The following PACRG variants were observed in gnomAD, a reference collection of about 807,000 sequenced individuals.
PACRG encodes the protein parkin coregulated, also known as parkin coregulated gene protein.
Under a neutral mutation model 29.7 loss-of-function variants are expected in PACRG, and 29 were observed. That is an observed-to-expected ratio of 0.98 (90% CI 0.73 to 1.33). PACRG has a LOEUF of 1.33. Ranked by LOEUF, PACRG falls within the 40% of genes most tolerant of loss-of-function variation. PACRG has a pLI of 0.00. For missense variants in PACRG, 279 were observed against 316.2 expected (o/e 0.88, Z 0.89); for synonymous variants, 116 against 118.7 (o/e 0.98, Z 0.15).
At position 163,053,435 on chromosome 6, in the gene PACRG, A is replaced by T. The variant is rs186918098; in HGVS notation, c.292-8715A>T. Among the ~76,000 whole-genome samples the T allele has an allele frequency of 8.5e-5, 13 of 152,296 alleles. No individual in the cohort carries two copies. The East Asian group carries it at 1.5e-3, about 18-fold the overall frequency. ...ACAGATTTTAATATGTTTGCATTTG[A>T]TGATACTGTAAAAAACAGAACTGTT... On this transcript the variant is annotated intron_variant, in intron 2 of 4. Coordinates refer to ENST00000366888, the MANE Select transcript of PACRG (RefSeq NM_001080379.2).
chr6:163,263,122 C>T (rs1189416246), intron 4 of PACRG, among the ~76,000 whole-genome samples: 2 of 143,042 alleles, frequency 1.4e-5, no homozygotes, highest in Non-Finnish European at 3.0e-5. Context: ...AGATCCAAGG[C>T]CCTGAGTTTT....
chr6:163,031,229 C>T (rs919692845), intron 2 of PACRG, among the ~76,000 whole-genome samples: 11 of 152,148 alleles, frequency 7.2e-5, no homozygotes, highest in Admixed American at 2.0e-4. Flanking sequence ...TATTCTACAA[C>T]AATAAAGCCA....
rs188629355 is a variant in PACRG, at chr6:163,124,711, G to C, written c.613+35303G>C. ...CAAAGGAAGGAAGAGGCTGCAGTTC[G>C]GCACCAGTGGGGAAGCCAAGGGCAT... On this transcript the variant is annotated intron_variant, in intron 4 of 4. Transcript: ENST00000366888. 2.8e-3 allele frequency among the ~76,000 whole-genome samples: 432 copies of C among 152,282 alleles called. 4 individuals are homozygous for C. The highest frequency in any genetic ancestry group is 0.01 in the African/African-American group (418 of 41,572).
At chr6:163,020,794 T>C (rs907520885) in intron 2 of PACRG, among the ~76,000 whole-genome samples, 5 of 152,204 alleles carry the variant, frequency 3.3e-5, no homozygotes, top group Admixed American at 6.5e-5. Flanking sequence ...ATAACTGTTC[T>C]AAAAATGTCT....
chr6:162,767,393 C>T (rs140049768), intron 1 of PACRG, among the ~76,000 whole-genome samples: 5 of 151,814 alleles, frequency 3.3e-5, no homozygotes, highest in Non-Finnish European at 7.4e-5. Flanking sequence ...TATGCATTGA[C>T]CCTTTTTTCT....
intron 4 of PACRG, among the ~76,000 whole-genome samples, chr6:163,130,486 C>G (rs6903059): frequency 0.23 from 35,689 of 152,010 alleles, 4,389 homozygotes; most frequent in East Asian, 0.47. Context: ...ATGTGTGTCA[C>G]CTTTAACTTC....
chr6:162,998,796 A>G (rs1804319730), intron 2 of PACRG, among the ~76,000 whole-genome samples: 1 of 152,224 alleles, frequency 6.6e-6, no homozygotes, highest in African/African-American at 2.4e-5. Flanking sequence ...ATGTTATATG[A>G]TACCAAATGT....
chr6:162,810,052 T>G, intron 1 of PACRG, among the ~76,000 whole-genome samples: 1 of 152,026 alleles, frequency 6.6e-6, no homozygotes, highest in African/African-American at 2.4e-5. Flanking sequence ...GAGGCCACAC[T>G]GTTTATGATG....
rs559624204 is a variant in PACRG, at chr6:162,884,724, G to A, written c.291+70443G>A. ...AAAATAACAGTGTTAACATGTCACC[G>A]TCTCTTCTGTGGAGTGATACATGTA... On this transcript the variant is annotated intron_variant, in intron 2 of 4. Coordinates refer to ENST00000366888, the MANE Select transcript of PACRG (RefSeq NM_001080379.2). Among the ~76,000 whole-genome samples the A allele has an allele frequency of 7.1e-5, 10 of 140,884 alleles. No homozygotes were observed. In the South Asian group the frequency reaches 1.9e-3, roughly 26 times the overall value. The allele number at this position is 140,884 out of a possible 152,430, so 92.4% of individuals were successfully genotyped here. A position where few individuals can be genotyped will look rare whatever the true frequency, so the allele number is the denominator to read the frequency against.
At chr6:163,088,906 T>C (rs1046643906) in intron 3 of PACRG, among the ~76,000 whole-genome samples, 4 of 152,180 alleles carry the variant, frequency 2.6e-5, no homozygotes, top group Non-Finnish European at 5.9e-5. Flanking sequence ...AATGTATCTG[T>C]TGTCAACCCA....
At chr6:163,204,645 G>C (rs1780832256) in intron 4 of PACRG, among the ~76,000 whole-genome samples, 1 of 152,166 alleles carries the variant, frequency 6.6e-6, no homozygotes, top group Admixed American at 6.5e-5. Flanking sequence ...CAGGAGCTAA[G>C]AATGGAGGAA....
intron 4 of PACRG, among the ~76,000 whole-genome samples, chr6:163,130,815 G>C (rs753675814): frequency 2.0e-4 from 30 of 152,188 alleles, no homozygotes; most frequent in Non-Finnish European, 3.1e-4. Context: ...CCCAGGAGCA[G>C]TTAGGGAAAC....
At chr6:162,809,928 C>T (rs907965142) in intron 1 of PACRG, among the ~76,000 whole-genome samples, 6 of 152,194 alleles carry the variant, frequency 3.9e-5, no homozygotes, top group Non-Finnish European at 7.3e-5. Flanking sequence ...GGAGACCTCA[C>T]GAGGAGCTTG....
At chr6:162,799,839 T>C (rs907265140) in intron 1 of PACRG, among the ~76,000 whole-genome samples, 2 of 152,198 alleles carry the variant, frequency 1.3e-5, no homozygotes, top group African/African-American at 2.4e-5. Flanking sequence ...CATTTTTTAC[T>C]CTAATTATTC....
chr6:163,185,956 C>T (rs1779900360), intron 4 of PACRG, among the ~76,000 whole-genome samples: 1 of 152,160 alleles, frequency 6.6e-6, no homozygotes, highest in African/African-American at 2.4e-5. Flanking sequence ...ATCACCCCAG[C>T]ACTCCCAGGC....
At chr6:163,236,817 C>T (rs1056793315) in intron 4 of PACRG, among the ~76,000 whole-genome samples, 2 of 152,164 alleles carry the variant, frequency 1.3e-5, no homozygotes, top group African/African-American at 4.8e-5. Flanking sequence ...GTTCTGCAGG[C>T]TGTACAGGAG....
chr6:163,246,301 T>C (rs1391288144), intron 4 of PACRG, among the ~76,000 whole-genome samples: 1 of 152,160 alleles, frequency 6.6e-6, no homozygotes, highest in Non-Finnish European at 1.5e-5. Context: ...CACACCAAGA[T>C]TGATGCTGCC....
At chr6:163,181,897 C>T (rs1779693065) in intron 4 of PACRG, among the ~76,000 whole-genome samples, 1 of 152,136 alleles carries the variant, frequency 6.6e-6, no homozygotes, top group Non-Finnish European at 1.5e-5. Context: ...AGCAGTGAAT[C>T]GGGGTTCCAC....
chr6:163,018,320 T>C (rs899457164), intron 2 of PACRG, among the ~76,000 whole-genome samples: 1 of 152,184 alleles, frequency 6.6e-6, no homozygotes, highest in African/African-American at 2.4e-5. Context: ...CTTCCTAGTT[T>C]CATAAGTAAA....
Sources: gnomAD v4.1 joint callset for allele counts (sites outside exome capture counted in the v4.1 genomes callset) on GRCh38, gnomAD v4.1.1 for gene constraint, MANE v1.5 for transcripts, NCBI Gene and HGNC (gene_info 2026-07-23, HGNC 2026-07-21) for gene names.